Variants in CTNNA3 observed in about 807,000 individuals in gnomAD.
CTNNA3 encodes catenin alpha-3.
In CTNNA3, 76 loss-of-function variants were observed where a neutral mutation model predicts 95.7. The ratio of observed to expected loss-of-function variants is 0.79; its 90% CI spans 0.66 to 0.96. The LOEUF (loss-of-function observed/expected upper bound fraction) is 0.96. Ranked by LOEUF, CTNNA3 falls within the 40% of genes least tolerant of loss-of-function variation. The pLI, the probability that CTNNA3 is intolerant of heterozygous loss-of-function variation, is 0.00. For synonymous variants in CTNNA3, 431 were observed against 374.4 expected, an observed-to-expected ratio of 1.15 and a Z score of -1.74; for missense variants, 1,191 against 1,089.8, an observed-to-expected ratio of 1.09 and a Z score of -1.31.
At chr10:66,096,940 C>A (rs966668371) in intron 14 of CTNNA3, among the ~76,000 whole-genome samples, 4 of 152,168 alleles carry the variant, frequency 2.6e-5, no homozygotes, top group African/African-American at 9.6e-5. Flanking sequence ...ACTCCCAGTG[C>A]AGAGCCAGGC....
chr10:66,084,160 AAAAGAAAAAAAGAAAAGG>A (rs1165713608), intron 14 of CTNNA3, among the ~76,000 whole-genome samples: 16 of 141,596 alleles, frequency 1.1e-4, no homozygotes, highest in Non-Finnish European at 1.7e-4. Flanking sequence ...AAAAAAAAGA[AAAAGAAAAAAAGAAAAGG>A]AAAGAAAAAA....
chr10:66,375,558 T>C (rs1354124725), intron 12 of CTNNA3, among the ~76,000 whole-genome samples: 1 of 150,880 alleles, frequency 6.6e-6, no homozygotes, highest in Non-Finnish European at 1.5e-5. Context: ...TTTTTATAAA[T>C]ATTTAAGATT....
At chr10:67,727,567 T>C (rs1841244136) in intron 1 of CTNNA3, among the ~76,000 whole-genome samples, 1 of 129,054 alleles carries the variant, frequency 7.7e-6, no homozygotes, top group South Asian at 2.2e-4. Context: ...TAATATATAA[T>C]ATGTAGCATA....
intron 9 of CTNNA3, among the ~76,000 whole-genome samples, chr10:66,646,603 A>G (rs1318669619): frequency 6.6e-6 from 1 of 152,182 alleles, no homozygotes; most frequent in African/African-American, 2.4e-5. Flanking sequence ...TTATTAAGGT[A>G]TACTCTAAAT....
At chr10:67,078,820 G>A (rs1423532352) in intron 7 of CTNNA3, among the ~76,000 whole-genome samples, 3 of 151,992 alleles carry the variant, frequency 2.0e-5, no homozygotes, top group Non-Finnish European at 4.4e-5. Context: ...CCGGCCCTCT[G>A]ATGTCTTCTT....
intron 11 of CTNNA3, among the ~76,000 whole-genome samples, chr10:66,504,257 A>G (rs1037007328): frequency 6.6e-6 from 1 of 152,082 alleles, no homozygotes; most frequent in East Asian, 1.9e-4. Context: ...CCCTGCTTCT[A>G]TGAGTTAGAC....
chr10:67,543,252 C>T (rs772816991), intron 3 of CTNNA3, among the ~76,000 whole-genome samples: 2 of 151,694 alleles, frequency 1.3e-5, no homozygotes, highest in Non-Finnish European at 2.9e-5. Context: ...CTACAAATAT[C>T]TATAGAGATA....
intron 5 of CTNNA3, among the ~76,000 whole-genome samples, chr10:67,275,020 T>G (rs1307263899): frequency 6.6e-6 from 1 of 152,112 alleles, no homozygotes; most frequent in African/African-American, 2.4e-5. Flanking sequence ...AATCTCAATT[T>G]GAAGAATCAA....
At chr10:66,192,998 T>A (rs2086761911) in intron 13 of CTNNA3, among the ~76,000 whole-genome samples, 1 of 152,142 alleles carries the variant, frequency 6.6e-6, no homozygotes, top group Admixed American at 6.6e-5. Context: ...GCCTTAATAA[T>A]TTTGGAAAAT....
chr10:67,428,810 AGC>A (rs1294018689), intron 5 of CTNNA3, among the ~76,000 whole-genome samples: 1 of 152,028 alleles, frequency 6.6e-6, no homozygotes, highest in Non-Finnish European at 1.5e-5. Flanking sequence ...CTAGCCTACC[AGC>A]CTACATATTT....
intron 16 of CTNNA3, among the ~76,000 whole-genome samples, chr10:65,977,793 TAATA>T (rs545915549): frequency 2.0e-4 from 30 of 151,572 alleles, no homozygotes; most frequent in African/African-American, 6.5e-4. Context: ...ATTAAAAAAA[TAATA>T]AATAAATAAA....
At chr10:67,415,691 C>G (rs1193673481) in intron 5 of CTNNA3, among the ~76,000 whole-genome samples, 4 of 151,932 alleles carry the variant, frequency 2.6e-5, no homozygotes, top group African/African-American at 7.3e-5. Flanking sequence ...ATAGCCAAAA[C>G]AATACTAAGC....
At chr10:67,337,005 C>A (rs914485842) in intron 5 of CTNNA3, among the ~76,000 whole-genome samples, 3 of 152,168 alleles carry the variant, frequency 2.0e-5, no homozygotes, top group African/African-American at 7.2e-5. Context: ...CTTGCTAACA[C>A]AACATCCATT....
intron 9 of CTNNA3, among the ~76,000 whole-genome samples, chr10:66,641,732 C>T (rs1036648455): frequency 1.3e-5 from 2 of 152,058 alleles, no homozygotes; most frequent in Admixed American, 6.6e-5. Context: ...AGGACCCCTG[C>T]CCTGGAATTG....
At chr10:67,287,136 G>A (rs1180744170) in intron 5 of CTNNA3, among the ~76,000 whole-genome samples, 5 of 152,028 alleles carry the variant, frequency 3.3e-5, no homozygotes, top group African/African-American at 7.2e-5. Flanking sequence ...TCAGGAGTTC[G>A]AGACCAGCCT....
chr10:67,010,308 T>C (rs1038453256), intron 7 of CTNNA3, among the ~76,000 whole-genome samples: 3 of 152,210 alleles, frequency 2.0e-5, no homozygotes, highest in African/African-American at 7.2e-5. Flanking sequence ...AGAATAATCT[T>C]TGGATACAGT....
chr10:66,154,008 T>C (rs569615110), intron 13 of CTNNA3, among the ~76,000 whole-genome samples: 2 of 152,006 alleles, frequency 1.3e-5, no homozygotes, highest in South Asian at 2.1e-4. Flanking sequence ...GTAATTAATC[T>C]GAAGGGCTGC....
chr10:66,964,052 A>T (rs550745411), intron 7 of CTNNA3, among the ~76,000 whole-genome samples: 6 of 151,520 alleles, frequency 4.0e-5, no homozygotes, highest in Non-Finnish European at 7.4e-5. Flanking sequence ...GGTTTTCACC[A>T]TGTTGGCCAG....
At position 66,136,829 on chromosome 10, in the gene CTNNA3, A is replaced by AT. The variant is rs112254501; in HGVS notation, c.1885-33581dup. Among the ~76,000 whole-genome samples the AT allele has an allele frequency of 3.2e-3, 475 of 147,534 alleles. 1 individual carries two copies. The highest frequency in any genetic ancestry group is 9.1e-3 in the African/African-American group (367 of 40,432). ...TACTTATTATTTGTGAGTTCACATA[A>AT]TTTTTTTTTTTTGAGATAGAGTCTC... is the stretch of plus-strand genomic sequence containing the variant. On this transcript the variant is annotated intron_variant, in intron 13 of 17. Transcript: ENST00000433211.
Sources: allele counts gnomAD v4.1 joint callset (sites outside exome capture counted in the v4.1 genomes callset), GRCh38; gene constraint gnomAD v4.1.1; transcripts MANE v1.5; gene names NCBI Gene and HGNC (gene_info 2026-07-23, HGNC 2026-07-21).